Variants in DCDC2 observed in about 807,000 individuals in gnomAD.
DCDC2 encodes doublecortin domain-containing protein 2.
A neutral mutation model predicts 50.2 loss-of-function variants in DCDC2; 40 were observed. That is an observed-to-expected ratio of 0.80 (90% CI 0.62 to 1.04). The LOEUF (loss-of-function observed/expected upper bound fraction) is 1.04. Among genes scored for constraint, DCDC2 ranks in the 50% least tolerant of loss-of-function variants. The probability of loss-of-function intolerance (pLI) is 0.00; values close to 1 mark genes in which losing one functional copy is unlikely to be tolerated. For synonymous variants in DCDC2, 234 were observed against 210.6 expected, an observed-to-expected ratio of 1.11 and a Z score of -0.96; for missense variants, 570 against 581.9, an observed-to-expected ratio of 0.98 and a Z score of 0.21.
chr6:24,211,018 T>C (rs1000371008), intron 7 of DCDC2, among the ~76,000 whole-genome samples: 25 of 152,242 alleles, frequency 1.6e-4, no homozygotes, highest in African/African-American at 5.5e-4. Context: ...GAAACCCTCC[T>C]TGTTCCAATT....
intron 8 of DCDC2, among the ~76,000 whole-genome samples, chr6:24,184,077 G>A (rs972205426): frequency 3.3e-5 from 5 of 152,136 alleles, no homozygotes; most frequent in Non-Finnish European, 5.9e-5. Flanking sequence ...ATGAGAAATC[G>A]CATCACACTT....
At chr6:24,286,984 C>A (rs141597869) in intron 6 of DCDC2, among the ~76,000 whole-genome samples, 276 of 152,262 alleles carry the variant, frequency 1.8e-3, no homozygotes, top group African/African-American at 6.4e-3. Context: ...TGCCTTACAA[C>A]CATCGACTTA....
chr6:24,335,042 C>T (rs1760032554), intron 2 of DCDC2, among the ~76,000 whole-genome samples: 1 of 152,164 alleles, frequency 6.6e-6, no homozygotes, highest in Non-Finnish European at 1.5e-5. Flanking sequence ...TTGTACAACC[C>T]TCTACTTGAT....
At chr6:24,198,647 A>AG (rs1483053461) in intron 8 of DCDC2, among the ~76,000 whole-genome samples, 1 of 151,686 alleles carries the variant, frequency 6.6e-6, no homozygotes, top group Non-Finnish European at 1.5e-5. Context: ...CTGGAATGCC[A>AG]GTGAGAATGA....
chr6:24,214,928 CAAT>C (rs66548703), intron 7 of DCDC2, among the ~76,000 whole-genome samples: 1,523 of 152,286 alleles, frequency 0.01, 29 homozygotes, highest in African/African-American at 0.035. Context: ...CCTTATTATG[CAAT>C]GTTTACTGAG....
chr6:24,187,904 T>C (rs1761238233), intron 8 of DCDC2, among the ~76,000 whole-genome samples: 1 of 152,200 alleles, frequency 6.6e-6, no homozygotes, highest in Non-Finnish European at 1.5e-5. Context: ...GATCCTAATT[T>C]GCAGATAAGG....
At chr6:24,295,563 C>T (rs1405718775) in intron 4 of DCDC2, among the ~76,000 whole-genome samples, 1 of 152,122 alleles carries the variant, frequency 6.6e-6, no homozygotes, top group Non-Finnish European at 1.5e-5. Context: ...GATTCTATAT[C>T]TAGAAAATCT....
chr6:24,306,790 C>T (rs559462400), intron 2 of DCDC2, among the ~76,000 whole-genome samples: 1 of 152,074 alleles, frequency 6.6e-6, no homozygotes, highest in Non-Finnish European at 1.5e-5. Flanking sequence ...CATGTGAATC[C>T]AGTAAGTTTA....
At chr6:24,298,945 T>G (rs1759317038) in intron 4 of DCDC2, among the ~76,000 whole-genome samples, 1 of 152,128 alleles carries the variant, frequency 6.6e-6, no homozygotes, top group Admixed American at 6.5e-5. Flanking sequence ...CAAAAAGACA[T>G]GTACATGTAA....
chr6:24,205,324 G>T, intron 7 of DCDC2: 2 of 1,524,640 alleles, frequency 1.3e-6, no homozygotes, highest in South Asian at 2.5e-5. Context: ...TGACCCAGCA[G>T]GGTAAAGTTC....
chr6:24,187,083 T>C (rs1761221323), intron 8 of DCDC2, among the ~76,000 whole-genome samples: 1 of 151,870 alleles, frequency 6.6e-6, no homozygotes, highest in African/African-American at 2.4e-5. Flanking sequence ...ACTAATACCT[T>C]CCCTCCCCAG....
intron 2 of DCDC2, among the ~76,000 whole-genome samples, chr6:24,309,095 G>C (rs1317744624): frequency 1.3e-5 from 2 of 152,136 alleles, no homozygotes; most frequent in East Asian, 3.9e-4. Context: ...GGGAGGCCAA[G>C]GTGGGTGGAT....
Position 24,236,122 on chromosome 6 carries a change from C to A in DCDC2, c.923-31020G>T, listed in dbSNP as rs1186812729. Among the ~76,000 whole-genome samples the A allele has an allele frequency of 6.6e-5, 10 of 151,902 alleles. No homozygotes were observed. The East Asian group carries it at 1.7e-3, about 26-fold the overall frequency. On this transcript the variant is annotated intron_variant, in intron 7 of 9. Coordinates refer to ENST00000378454, the MANE Select transcript of DCDC2 (RefSeq NM_016356.5). ...AAATTCATATGAACCAAAATGGAAC[C>A]CAAATAGCCAAAGCAATCCTAAGAA...
chr6:24,177,220 T>C (rs1005417348), intron 9 of DCDC2, among the ~76,000 whole-genome samples: 6 of 152,220 alleles, frequency 3.9e-5, no homozygotes, highest in Non-Finnish European at 7.3e-5. Context: ...TCTTATAGAA[T>C]AGGACTATGA....
intron 4 of DCDC2, 83 bp from the exon 5 acceptor site, chr6:24,291,161 CA>C (rs879374891): frequency 2.1e-5 from 29 of 1,368,308 alleles, no homozygotes; most frequent in East Asian, 1.4e-4. Flanking sequence ...TTCTGGATGT[CA>C]AAAAAATTAA....
Position 24,353,714 on chromosome 6 carries a change from T to C in DCDC2, c.294-91A>G, listed in dbSNP as rs376741390. Reference sequence around the variant, plus strand: ...AAAAATCATAAAAAAATAAAGCAACTCATAGGAAATTCTCAACCTTAAAGC... The same window carrying C: ...AAAAATCATAAAAAAATAAAGCAACCCATAGGAAATTCTCAACCTTAAAGC... On this transcript the variant is annotated intron_variant, in intron 1 of 9. Coordinates refer to ENST00000378454, the MANE Select transcript of DCDC2 (RefSeq NM_016356.5). 191 of 775,460 alleles carry C rather than the reference T, an allele frequency of 2.5e-4. 4 individuals carry two copies. In the East Asian group the frequency reaches 4.8e-3, roughly 19 times the overall value. The allele number at this position is 775,460 out of a possible 1,614,324, so 48.0% of individuals were successfully genotyped here.
intron 4 of DCDC2, among the ~76,000 whole-genome samples, chr6:24,298,281 G>A (rs1035869215): frequency 4.6e-5 from 7 of 152,220 alleles, no homozygotes; most frequent in Non-Finnish European, 7.3e-5. Flanking sequence ...CTGTGCAGTC[G>A]GGTTCCTAAC....
chr6:24,374,337 G>A, the DCDC2 span, among the ~76,000 whole-genome samples: 4 of 151,934 alleles, frequency 2.6e-5, no homozygotes, highest in African/African-American at 9.7e-5. Context: ...GGAGGCCAAG[G>A]CAGGTGGATC....
At chr6:24,314,158 T>C (rs143555151) in intron 2 of DCDC2, among the ~76,000 whole-genome samples, 5 of 152,262 alleles carry the variant, frequency 3.3e-5, no homozygotes, top group African/African-American at 1.2e-4. Context: ...CAAACAAAAA[T>C]AGAGCTTTTA....
Sources: gnomAD v4.1 joint callset for allele counts (sites outside exome capture counted in the v4.1 genomes callset) on GRCh38, gnomAD v4.1.1 for gene constraint, MANE v1.5 for transcripts, NCBI Gene and HGNC (gene_info 2026-07-23, HGNC 2026-07-21) for gene names.